The following FBLIM1 variants were observed in gnomAD, a reference collection of about 807,000 sequenced individuals.
FBLIM1 encodes filamin-binding LIM protein 1.
A neutral mutation model predicts 37.4 loss-of-function variants in FBLIM1; 29 were observed. That is an observed-to-expected ratio of 0.77 (90% CI 0.58 to 1.06). The LOEUF (loss-of-function observed/expected upper bound fraction) is 1.06, where lower values mean the gene tolerates loss of function less well. Among genes scored for constraint, FBLIM1 ranks in the 50% least tolerant of loss-of-function variants. The probability of loss-of-function intolerance (pLI) is 0.00; values close to 1 mark genes in which losing one functional copy is unlikely to be tolerated. For missense variants in FBLIM1, 449 were observed against 505.6 expected (o/e 0.89, Z 1.07); for synonymous variants, 193 against 199.0 (o/e 0.97, Z 0.25).
rs781699190 is a variant in FBLIM1 at position 15,774,661 on chromosome 1, A to G, written c.755A>G (p.Asp252Gly). 6.2e-7 allele frequency: 1 copy of G among 1,614,030 alleles called. No homozygotes were observed. The highest frequency in any genetic ancestry group is 8.5e-7 in the Non-Finnish European group (1 of 1,180,020). ...GGCAAGTGTGGCGAGGTGGTCCGGG[A>G]CCACATCATCAGGGCCCTGGGCCAG... is the stretch of plus-strand genomic sequence containing the variant. ...RCGKCGEVVR[D>G]HIIRALGQAF... Residue 252 changes from aspartate to glycine, a missense_variant, in exon 7 of 9, where the codon GAC (aspartate) becomes GGC (glycine). Physicochemically the swap from Asp to Gly is moderately conservative, Grantham distance 94. Coordinates refer to ENST00000375766, the MANE Select transcript of FBLIM1 (RefSeq NM_017556.4).
intron 4 of FBLIM1, among the ~76,000 whole-genome samples, chr1:15,768,168 C>A (rs1216912690): frequency 1.3e-5 from 2 of 152,290 alleles, no homozygotes; most frequent in South Asian, 4.1e-4. Context: ...CAGGTTTGAG[C>A]CACTGCACCT....
intron 5 of FBLIM1, among the ~76,000 whole-genome samples, chr1:15,768,850 A>C (rs1261507375): frequency 6.6e-6 from 1 of 152,202 alleles, no homozygotes; most frequent in Admixed American, 6.5e-5. Context: ...GCAGTTTGCT[A>C]TGATAGCAAA....
intron 7 of FBLIM1, 113 bp downstream of exon 7, chr1:15,774,909 G>A (rs746802582): frequency 1.3e-6 from 2 of 1,594,058 alleles, no homozygotes; most frequent in Non-Finnish European, 1.7e-6. Context: ...CTGTCTACTG[G>A]TTTATTATAA....
intron 8 of FBLIM1, among the ~76,000 whole-genome samples, chr1:15,781,939 T>C (rs934152190): frequency 6.6e-5 from 10 of 151,660 alleles, no homozygotes; most frequent in East Asian, 4.0e-4. Flanking sequence ...AGGATGGTCT[T>C]GATCTCCTGA....
intron 7 of FBLIM1, among the ~76,000 whole-genome samples, chr1:15,776,585 C>A (rs2069494745): frequency 6.6e-6 from 1 of 152,124 alleles, no homozygotes; most frequent in Non-Finnish European, 1.5e-5. Context: ...GAAGTACTGG[C>A]TGGGCACAGT....
At chr1:15,771,345 G>A (rs866161516) in intron 6 of FBLIM1, among the ~76,000 whole-genome samples, 2 of 150,176 alleles carry the variant, frequency 1.3e-5, no homozygotes, top group South Asian at 4.2e-4. Flanking sequence ...TTCCCGGGTT[G>A]AAGCAATTCC....
intron 8 of FBLIM1, among the ~76,000 whole-genome samples, chr1:15,782,147 C>A (rs61783872): frequency 0.43 from 64,699 of 151,420 alleles, 14,506 homozygotes; most frequent in East Asian, 0.72. Flanking sequence ...TGTGGTGGCT[C>A]ACACCTGTGA....
rs903250302 is a variant in FBLIM1, at chr1:15,765,562, C to A, written c.250+329C>A. On this transcript the variant is annotated intron_variant, in intron 3 of 8. Transcript: ENST00000375766. The surrounding 1 kb of genome is among the most constrained non-coding windows in gnomAD (Gnocchi z 5.9). ...GGCCGTTTCGTCTGCCAATTTAATA[C>A]CCTCAAGCAGAGCACGGGGATCTTG... Among the ~76,000 whole-genome samples the A allele has an allele frequency of 6.6e-6, 1 of 151,838 alleles. No individual in the cohort carries two copies. Among genetic ancestry groups the A allele is most frequent in the Non-Finnish European group, 1.5e-5 (1 of 67,980 alleles).
chr1:15,782,174 G>A (rs2069661074), intron 8 of FBLIM1, among the ~76,000 whole-genome samples: 1 of 151,898 alleles, frequency 6.6e-6, no homozygotes, highest in South Asian at 2.1e-4. Context: ...CACTTTGGGA[G>A]GCTGAGGCAG....
At chr1:15,783,103 G>T (rs373265770) in intron 8 of FBLIM1, among the ~76,000 whole-genome samples, 2 of 152,080 alleles carry the variant, frequency 1.3e-5, no homozygotes, top group Non-Finnish European at 1.5e-5. Context: ...CCCCTATAAG[G>T]ACTCTTTTGT....
chr1:15,780,985 A>G (rs529915489), intron 8 of FBLIM1, among the ~76,000 whole-genome samples: 1 of 152,198 alleles, frequency 6.6e-6, no homozygotes, highest in East Asian at 1.9e-4. Context: ...CTGGCCAGGA[A>G]GCGAATAAAC....
intron 1 of FBLIM1, among the ~76,000 whole-genome samples, chr1:15,760,508 C>A (rs762988365): frequency 2.8e-4 from 40 of 141,098 alleles, no homozygotes; most frequent in Admixed American, 1.8e-3. Flanking sequence ...CCAGCCTCGG[C>A]CACAGAGCAA....
At chr1:15,758,265 C>T (rs1478216065), upstream of FBLIM1, 1 of 152,274 alleles carries the variant, frequency 6.6e-6, no homozygotes, top group African/African-American at 2.4e-5. The surrounding 1 kb of genome is among the most constrained non-coding windows in gnomAD (Gnocchi z 6.2). Flanking sequence ...GGGTCTCACG[C>T]TTAGTAAACG....
Position 15,765,073 on chromosome 1 carries a change from G to A in FBLIM1, c.90G>A (p.Val30=). 1 of 1,614,102 alleles carries A rather than the reference G, an allele frequency of 6.2e-7. No individual in the cohort carries two copies. The highest frequency in any genetic ancestry group is 8.5e-7 in the Non-Finnish European group (1 of 1,179,994). The change falls in exon 3 of 9, where the codon GTG becomes GTA. Residue 30 remains valine (V), a synonymous_variant. Coordinates refer to ENST00000375766, the MANE Select transcript of FBLIM1 (RefSeq NM_017556.4). The surrounding 1 kb of genome is among the most constrained non-coding windows in gnomAD (Gnocchi z 5.9). ...GCGATGTGGCCGTGGCGGAGGAAGT[G>A]AGGCAGGCAGTTTGTGAGGCCCGGC... ...PRRDVAVAEE[V]RQAVCEARRG...
chr1:15,770,434 C>T lies in FBLIM1; in HGVS notation c.567C>T (p.Thr189=), dbSNP rs760994321. 2.0e-5 allele frequency: 33 copies of T among 1,613,462 alleles called. No individual in the cohort carries two copies. Among genetic ancestry groups the T allele is most frequent in the Admixed American group, 1.7e-4 (10 of 59,968 alleles). Residue 189 remains threonine (T), a synonymous_variant, in exon 6 of 9, where the codon ACC becomes ACT. Coordinates refer to ENST00000375766, the MANE Select transcript of FBLIM1 (RefSeq NM_017556.4). ...STDICAFCHK[T]VSPRELAVEA... is the part of the protein sequence containing the mutation. ...ACATCTGTGCCTTCTGCCACAAGACCGTGTCCCCCCGAGAGCTGGCTGTGG... is the reference window on the plus strand; with the variant it reads ...ACATCTGTGCCTTCTGCCACAAGACTGTGTCCCCCCGAGAGCTGGCTGTGG...
chr1:15,782,021 A>T (rs768341596), intron 8 of FBLIM1, among the ~76,000 whole-genome samples: 3 of 151,750 alleles, frequency 2.0e-5, no homozygotes, highest in Non-Finnish European at 4.4e-5. Context: ...CCTGGCCTGT[A>T]GGTAGTATTT....
At chr1:15,768,651 G>A (rs754973647) in intron 5 of FBLIM1, 21 bp downstream of exon 5, 3 of 1,577,828 alleles carry the variant, frequency 1.9e-6, no homozygotes, top group South Asian at 1.2e-5. Flanking sequence ...AGGGCTGAGA[G>A]GATACTGGGG....
chr1:15,763,667 T>C (rs550569891), intron 1 of FBLIM1, among the ~76,000 whole-genome samples: 1 of 151,304 alleles, frequency 6.6e-6, no homozygotes, highest in East Asian at 2.0e-4. Flanking sequence ...AAAGACAGAG[T>C]CTCGCTCTGT....
At chr1:15,782,030 T>C (rs2148659825) in intron 8 of FBLIM1, among the ~76,000 whole-genome samples, 1 of 151,988 alleles carries the variant, frequency 6.6e-6, no homozygotes, top group South Asian at 2.1e-4. Context: ...TAGGTAGTAT[T>C]TTTTAATTTA....
Sources: gnomAD v4.1 joint callset for allele counts (sites outside exome capture counted in the v4.1 genomes callset) on GRCh38, gnomAD v4.1.1 for gene constraint, Gnocchi (gnomAD v3.1) non-coding constraint, MANE v1.5 for transcripts, NCBI Gene and HGNC (gene_info 2026-07-23, HGNC 2026-07-21) for gene names.